SIM2: variants seen among roughly 807,000 people sequenced by gnomAD.
SIM2 encodes the protein single-minded homolog 2.
A neutral mutation model predicts 64.8 loss-of-function variants in SIM2; 28 were observed. The observed-to-expected ratio is 0.43, with a 90% CI of 0.32 to 0.59. The LOEUF is 0.59. SIM2 is among the 20% of genes least tolerant of loss of function. The pLI, the probability that SIM2 is intolerant of heterozygous loss-of-function variation, is 0.07. For missense variants in SIM2, 847 were observed against 871.4 expected, an observed-to-expected ratio of 0.97 and a Z score of 0.35; for synonymous variants, 408 against 391.1, an observed-to-expected ratio of 1.04 and a Z score of -0.51.
At chr21:36,722,931 T>G in intron 4 of SIM2, 114 bp from the exon 5 acceptor site, 1 of 805,744 alleles carries the variant, frequency 1.2e-6, no homozygotes, top group Non-Finnish European at 2.2e-6. Flanking sequence ...CTGGGCACAC[T>G]GAGAAGGCCT....
At chr21:36,724,454 A>T (rs911643225) in intron 5 of SIM2, among the ~76,000 whole-genome samples, 2 of 152,114 alleles carry the variant, frequency 1.3e-5, no homozygotes, top group African/African-American at 4.8e-5. Flanking sequence ...AATTTTTAAA[A>T]TTTTTTGTGG....
chr21:36,715,695 AT>A (rs1193103028), intron 3 of SIM2, among the ~76,000 whole-genome samples: 2 of 152,192 alleles, frequency 1.3e-5, no homozygotes, highest in Non-Finnish European at 2.9e-5. Flanking sequence ...ATCTGCTATA[AT>A]TGTGTGGAAA....
Position 36,748,624 on chromosome 21 carries a change from A to T in SIM2, c.*532A>T, listed in dbSNP as rs2089271458. 1 of 152,296 alleles carries T rather than the reference A, an allele frequency of 6.6e-6. No individual in the cohort carries two copies. 9.4% of individuals were successfully genotyped at this position (152,296 alleles called of 1,614,324 possible). ...CCACTGTCTTTAAAAGTCATTCAAG[A>T]GTCTCATTATTTTTGTTTTTATTTA... On this transcript the variant is annotated 3_prime_UTR_variant, in exon 11 of 11. Coordinates refer to ENST00000290399, the MANE Select transcript of SIM2 (RefSeq NM_005069.6).
At chr21:36,704,418 T>C (rs1243198235) in intron 1 of SIM2, among the ~76,000 whole-genome samples, 1 of 152,238 alleles carries the variant, frequency 6.6e-6, no homozygotes, top group Non-Finnish European at 1.5e-5. Context: ...CCGTCTCTGC[T>C]TTGAAGCCTG....
chr21:36,700,279 A>ATT (rs34394859), intron 1 of SIM2, among the ~76,000 whole-genome samples: 8 of 151,534 alleles, frequency 5.3e-5, no homozygotes, highest in Non-Finnish European at 8.8e-5. Context: ...TTTGGTTTGG[A>ATT]TTTTTTTCTC....
At chr21:36,725,060 C>T (rs2088871363) in intron 5 of SIM2, among the ~76,000 whole-genome samples, 1 of 152,084 alleles carries the variant, frequency 6.6e-6, no homozygotes, top group Non-Finnish European at 1.5e-5. Context: ...AAAAATTGTA[C>T]TGGGGCAGGG....
rs574286819 is a variant in SIM2 at position 36,728,710 on chromosome 21, G to A, written c.744-2335G>A. On this transcript the variant is annotated intron_variant, in intron 6 of 10. Coordinates refer to ENST00000290399, the MANE Select transcript of SIM2 (RefSeq NM_005069.6). ...AGTCAGTCTGTGACCAAGGGGATGG[G>A]GCCTGGGCTGGCCCAGCCCTGGGAG... Among the ~76,000 whole-genome samples the A allele has an allele frequency of 3.9e-4, 60 of 152,350 alleles. No homozygotes were observed. In the Middle Eastern group the frequency reaches 0.014, roughly 35 times the overall value.
chr21:36,724,773 G>A (rs575611444), intron 5 of SIM2, among the ~76,000 whole-genome samples: 8 of 152,330 alleles, frequency 5.3e-5, no homozygotes, highest in African/African-American at 1.9e-4. Flanking sequence ...TTTTGGAACA[G>A]AGAACTTAAG....
chr21:36,737,220 T>C (rs1001706743), intron 7 of SIM2, among the ~76,000 whole-genome samples: 2 of 152,176 alleles, frequency 1.3e-5, no homozygotes, highest in African/African-American at 4.8e-5. Flanking sequence ...TGAGCCACCA[T>C]ACCCGGCCCC....
chr21:36,706,606 A>ATT (rs1258290770), intron 1 of SIM2, among the ~76,000 whole-genome samples: 1 of 152,144 alleles, frequency 6.6e-6, no homozygotes, highest in East Asian at 1.9e-4. Context: ...TATCAAGACA[A>ATT]TTTTCTTTCG....
Position 36,712,520 on chromosome 21 carries a change from T to G in SIM2, c.259-13T>G. On this transcript the variant is annotated splice_polypyrimidine_tract_variant and intron_variant, in intron 2 of 10. Coordinates refer to ENST00000290399, the MANE Select transcript of SIM2 (RefSeq NM_005069.6). ...AATGATCATCTCTTATTCTGACACT[T>G]TATCTTTTACAGACTTTGGATGGAT... 1 of 1,578,894 alleles carries G rather than the reference T, an allele frequency of 6.3e-7. No individual in the cohort carries two copies. The highest frequency in any genetic ancestry group is 8.7e-7 in the Non-Finnish European group (1 of 1,148,292).
intron 2 of SIM2, among the ~76,000 whole-genome samples, 180 bp from the exon 3 acceptor site, chr21:36,712,353 A>G (rs2088688541): frequency 1.3e-5 from 2 of 152,238 alleles, no homozygotes; most frequent in Non-Finnish European, 2.9e-5. Flanking sequence ...CCTGGGAACT[A>G]AACCCTGGGT....
chr21:36,707,642 C>A (rs1176676215), intron 1 of SIM2, among the ~76,000 whole-genome samples: 2 of 151,412 alleles, frequency 1.3e-5, no homozygotes, highest in African/African-American at 4.9e-5. Flanking sequence ...GAAGGGTTTG[C>A]GAAGCCGCTG....
intron 7 of SIM2, among the ~76,000 whole-genome samples, chr21:36,735,380 C>T (rs149953618): frequency 2.8e-4 from 43 of 152,370 alleles, no homozygotes; most frequent in Non-Finnish European, 4.3e-4. Flanking sequence ...TCTAACCTTC[C>T]ACAAGTTTCT....
chr21:36,715,415 T>G (rs1479924921), intron 3 of SIM2, among the ~76,000 whole-genome samples: 1 of 152,232 alleles, frequency 6.6e-6, no homozygotes, highest in African/African-American at 2.4e-5. Context: ...GTATCAAGCA[T>G]GAGACCTTTA....
At chr21:36,706,199 GCA>G (rs886101782) in intron 1 of SIM2, among the ~76,000 whole-genome samples, 3 of 152,212 alleles carry the variant, frequency 2.0e-5, no homozygotes, top group Admixed American at 6.5e-5. Flanking sequence ...GGACCAACAT[GCA>G]CACACTCGCA....
In SIM2 at chr21:36,723,262, G is replaced by T. The variant is rs1601697768; in HGVS notation, c.543+132G>T. The T allele has an allele frequency of 4.2e-6, 3 of 706,846 alleles. No individual in the cohort carries two copies. In the South Asian group the frequency reaches 4.8e-5, roughly 11 times the overall value. 43.8% of individuals were successfully genotyped at this position (706,846 alleles called of 1,614,324 possible). A position where few individuals can be genotyped will look rare whatever the true frequency, so the allele number is the denominator to read the frequency against. On this transcript the variant is annotated intron_variant, in intron 5 of 10. Transcript: ENST00000290399. ...CACTAATGTAGAGCTCTCCAGCAAC[G>T]TGGTGCACAGTCTCTTGGAGGCTCA...
rs1304069286 is a variant in SIM2 at position 36,745,764 on chromosome 21, G to A, written c.1576+628G>A. ...CCTGTACATGCTAGTTCAACAGAAA[G>A]GAATGGCCTTTCACCTTCTCCTGGT... is the stretch of plus-strand genomic sequence containing the variant. On this transcript the variant is annotated intron_variant, in intron 10 of 10. Transcript: ENST00000290399. The surrounding 1 kb of genome is among the most constrained non-coding windows in gnomAD (Gnocchi z 4.8). The A allele has an allele frequency of 3.1e-6, 4 of 1,302,404 alleles. No homozygotes were observed. The highest frequency in any genetic ancestry group is 1.2e-5 in the South Asian group (1 of 80,908). The allele number at this position is 1,302,404 out of a possible 1,614,324, so 80.7% of individuals were successfully genotyped here.
intron 8 of SIM2, among the ~76,000 whole-genome samples, chr21:36,742,572 A>G (rs1246134318): frequency 5.3e-5 from 8 of 152,144 alleles, no homozygotes; most frequent in Non-Finnish European, 8.8e-5. Context: ...AATACTTTTA[A>G]GGCCATTAGA....
Sources: allele counts gnomAD v4.1 joint callset (sites outside exome capture counted in the v4.1 genomes callset), GRCh38; gene constraint gnomAD v4.1.1; non-coding constraint Gnocchi (gnomAD v3.1); transcripts MANE v1.5; gene names NCBI Gene and HGNC (gene_info 2026-07-23, HGNC 2026-07-21).